The following SHROOM4 variants were observed in gnomAD, a reference collection of about 807,000 sequenced individuals.
The protein encoded by SHROOM4 is protein Shroom4.
In SHROOM4, 17 loss-of-function variants were observed where a neutral mutation model predicts 80.3. The ratio of observed to expected loss-of-function variants is 0.21; its 90% CI spans 0.14 to 0.32. The LOEUF (loss-of-function observed/expected upper bound fraction) is 0.32, where lower values mean the gene tolerates loss of function less well. Ranked by LOEUF, SHROOM4 falls within the 10% of genes least tolerant of loss-of-function variation. SHROOM4 has a pLI of 1.00. For missense variants in SHROOM4, 993 were observed against 1,140.3 expected (o/e 0.87, Z 1.86); for synonymous variants, 400 against 437.5 (o/e 0.91, Z 1.07).
At chrX:50,763,900 C>T (rs1392349825) in intron 1 of SHROOM4, among the ~76,000 whole-genome samples, 1 of 111,551 alleles carries the variant, frequency 9.0e-6, no homozygotes, top group East Asian at 2.8e-4. Flanking sequence ...CTTAACAGGA[C>T]TCTTTTTAGC....
chrX:50,705,584 G>A (rs1933648903), intron 1 of SHROOM4, among the ~76,000 whole-genome samples: 1 of 110,737 alleles, frequency 9.0e-6, no homozygotes, highest in African/African-American at 3.3e-5. Context: ...TATAAAGGTT[G>A]ACCCCCTCTG....
intron 1 of SHROOM4, among the ~76,000 whole-genome samples, chrX:50,709,571 A>G (rs1933759114): frequency 8.9e-6 from 1 of 111,847 alleles, no homozygotes; most frequent in Non-Finnish European, 1.9e-5. Context: ...CTGTGAAAAG[A>G]TAGGGTCATA....
At chrX:50,790,519 C>T (rs1557271436) in intron 1 of SHROOM4, among the ~76,000 whole-genome samples, 2 of 111,107 alleles carry the variant, frequency 1.8e-5, no homozygotes, top group African/African-American at 6.5e-5. Context: ...GCCAATATCC[C>T]CAATGAAAAC....
chrX:50,696,365 G>GT (rs1237129474), intron 1 of SHROOM4, among the ~76,000 whole-genome samples: 1 of 111,823 alleles, frequency 8.9e-6, no homozygotes, highest in Non-Finnish European at 1.9e-5. Flanking sequence ...TCTGACAAAC[G>GT]TAAGTTTGAA....
intron 2 of SHROOM4, among the ~76,000 whole-genome samples, chrX:50,672,487 G>A (rs1286953191): frequency 1.8e-5 from 2 of 111,419 alleles, no homozygotes; most frequent in Non-Finnish European, 3.8e-5. Context: ...TACCCAATAC[G>A]AACAACAGAA....
intron 1 of SHROOM4, among the ~76,000 whole-genome samples, chrX:50,701,333 G>A (rs1303410938): frequency 8.9e-6 from 1 of 111,822 alleles, no homozygotes; most frequent in African/African-American, 3.3e-5. Context: ...CTCCTGCCAA[G>A]TCAGATCGTC....
At chrX:50,659,918 A>G (rs1407813005) in intron 2 of SHROOM4, among the ~76,000 whole-genome samples, 2 of 112,428 alleles carry the variant, frequency 1.8e-5, no homozygotes, top group Non-Finnish European at 3.7e-5. Context: ...ATCCACATAT[A>G]CTTTTCTTAA....
In SHROOM4 at chrX:50,635,068, T is replaced by C; in HGVS notation, c.1005A>G (p.Thr335=). 1 of 1,212,122 alleles carries C rather than the reference T, an allele frequency of 8.2e-7. No homozygotes were observed. The part of the protein sequence containing the change: ...FCCLSGHDQV[T]SEGHQNCEFS... ...ACTCACAGTTCTGATGGCCCTCACT[T>C]GTCACTTGGTCATGCCCACTGAGGC... Residue 335 remains threonine (T), a synonymous_variant, in exon 4 of 9, where the codon ACA becomes ACG. Transcript: ENST00000376020.
intron 2 of SHROOM4, among the ~76,000 whole-genome samples, chrX:50,670,477 T>A (rs928170600): frequency 5.4e-5 from 6 of 112,137 alleles, no homozygotes; most frequent in Non-Finnish European, 9.4e-5. Context: ...CAATGGTGTA[T>A]ATGTGCCACA....
At chrX:50,667,068 A>G (rs1932714991) in intron 2 of SHROOM4, among the ~76,000 whole-genome samples, 1 of 111,739 alleles carries the variant, frequency 8.9e-6, no homozygotes, top group African/African-American at 3.3e-5. Context: ...CTGGAAAGCA[A>G]TCAATGCACT....
chrX:50,717,243 G>C (rs1249919688), intron 1 of SHROOM4, among the ~76,000 whole-genome samples: 1 of 111,762 alleles, frequency 8.9e-6, no homozygotes, highest in East Asian at 2.8e-4. Flanking sequence ...GTTTGAGACA[G>C]AGTCTTGCTC....
intron 2 of SHROOM4, among the ~76,000 whole-genome samples, chrX:50,653,333 A>G (rs1334160190): frequency 9.0e-6 from 1 of 111,436 alleles, no homozygotes; most frequent in Admixed American, 9.6e-5. Context: ...AGCAATTGTG[A>G]ATGGGAGTTC....
At chrX:50,659,085 A>T (rs1379900729) in intron 2 of SHROOM4, among the ~76,000 whole-genome samples, 1 of 111,901 alleles carries the variant, frequency 8.9e-6, no homozygotes, top group Non-Finnish European at 1.9e-5. Context: ...GTACTTCTAG[A>T]GAAGGAATAG....
At chrX:50,614,319 G>GA (rs1245273108) in intron 5 of SHROOM4, among the ~76,000 whole-genome samples, 1 of 111,676 alleles carries the variant, frequency 9.0e-6, no homozygotes, top group Non-Finnish European at 1.9e-5. Flanking sequence ...ATTATGTCCA[G>GA]AAAAAACACC....
In SHROOM4 at chrX:50,596,932, C is replaced by T. The variant is rs1192413196; in HGVS notation, c.4245G>A (p.Thr1415=). The T allele has an allele frequency of 2.5e-6, 3 of 1,209,710 alleles. No homozygotes were observed. Among genetic ancestry groups the T allele is most frequent in the Non-Finnish European group, 3.4e-6 (3 of 895,152 alleles). The change falls in exon 9 of 9, where the codon ACG becomes ACA. Residue 1415 remains threonine, a synonymous_variant. Transcript: ENST00000376020. Reference sequence around the variant, plus strand: ...GCTCCTTGGCATCTGCCAACTGCCCCGTCAGCTGCTGCTTCTTCTCTATCA... The same window carrying T: ...GCTCCTTGGCATCTGCCAACTGCCCTGTCAGCTGCTGCTTCTTCTCTATCA... ...LVLIEKKQQL[T]GQLADAKELK... is the part of the protein sequence containing the mutation.
chrX:50,812,474 G>A (rs1292211638), intron 1 of SHROOM4, among the ~76,000 whole-genome samples: 1 of 110,384 alleles, frequency 9.1e-6, no homozygotes, highest in East Asian at 2.9e-4. Flanking sequence ...TGAAGATCTG[G>A]GCTAGTTTGG....
the SHROOM4 span, among the ~76,000 whole-genome samples, chrX:50,581,011 C>CA: frequency 9.0e-6 from 1 of 111,553 alleles, no homozygotes; most frequent in African/African-American, 3.3e-5. Flanking sequence ...ATATGGGAGC[C>CA]AAAAAATCCT....
At chrX:50,670,640 G>A (rs782723021) in intron 2 of SHROOM4, among the ~76,000 whole-genome samples, 1 of 111,717 alleles carries the variant, frequency 9.0e-6, no homozygotes, top group South Asian at 3.8e-4. Context: ...TCAGATCACT[G>A]GGTCAAATGC....
intron 2 of SHROOM4, among the ~76,000 whole-genome samples, chrX:50,676,766 GA>G (rs1188209480): frequency 2.8e-5 from 3 of 108,973 alleles, no homozygotes; most frequent in Non-Finnish European, 3.8e-5. Context: ...ACATTTCAGA[GA>G]AAAAAAAAGT....
Sources: allele counts gnomAD v4.1 joint callset (sites outside exome capture counted in the v4.1 genomes callset), GRCh38; gene constraint gnomAD v4.1.1; transcripts MANE v1.5; gene names NCBI Gene and HGNC (gene_info 2026-07-23, HGNC 2026-07-21).